The following SHANK2 variants were observed in gnomAD, a reference collection of about 807,000 sequenced individuals.
SHANK2 encodes SH3 and multiple ankyrin repeat domains protein 2.
Under a neutral mutation model 133.7 loss-of-function variants are expected in SHANK2, and 43 were observed. The ratio of observed to expected loss-of-function variants is 0.32; its 90% CI spans 0.25 to 0.41. SHANK2 has a LOEUF of 0.41. Ranked by LOEUF, SHANK2 falls within the 10% of genes least tolerant of loss-of-function variation. The probability of loss-of-function intolerance (pLI) is 1.00; values close to 1 mark genes in which losing one functional copy is unlikely to be tolerated. For synonymous variants in SHANK2, 1,017 were observed against 952.8 expected (o/e 1.07, Z -1.24); for missense variants, 1,994 against 2,235.8 (o/e 0.89, Z 2.18).
chr11:70,658,726 G>C (rs1339312585), intron 17 of SHANK2, among the ~76,000 whole-genome samples: 1 of 152,192 alleles, frequency 6.6e-6, no homozygotes, highest in Non-Finnish European at 1.5e-5. Context: ...GGGAGCTTAG[G>C]CCTGATTGGG....
intron 15 of SHANK2, among the ~76,000 whole-genome samples, chr11:70,667,005 C>T (rs940031440): frequency 3.9e-5 from 6 of 152,034 alleles, no homozygotes; most frequent in African/African-American, 1.4e-4. Flanking sequence ...AGGGGGTGGG[C>T]AACCAGCCCC....
Position 70,487,420 on chromosome 11 carries a change from C to A in SHANK2, c.2873G>T (p.Arg958Leu). 6.2e-7 allele frequency: 1 copy of A among 1,614,106 alleles called. No homozygotes were observed. Among genetic ancestry groups the A allele is most frequent in the Non-Finnish European group, 8.5e-7 (1 of 1,180,026 alleles). ...GAGGTCTTCAGAGTCCAAGGAGTAGCGGTCCAGCTCTCTCCTGAAGTACAT... is the reference window on the plus strand; with the variant it reads ...GAGGTCTTCAGAGTCCAAGGAGTAGAGGTCCAGCTCTCTCCTGAAGTACAT... ...KGMYFRRELD[R>L]YSLDSEDLYS... is the part of the protein sequence containing the mutation. Residue 958 changes from arginine (R) to leucine (L), a missense_variant, in exon 25 of 26, where the codon CGC (arginine) becomes CTC (leucine). Coordinates refer to ENST00000601538, the MANE Select transcript of SHANK2 (RefSeq NM_012309.5). This position sits in a 1 kb window ranked among gnomAD's most constrained non-coding sequence, Gnocchi z 5.8.
At chr11:71,152,171 G>C (rs1555108213) in intron 2 of SHANK2, among the ~76,000 whole-genome samples, 1 of 152,160 alleles carries the variant, frequency 6.6e-6, no homozygotes, top group Non-Finnish European at 1.5e-5. Context: ...AGAGTGCAGG[G>C]GTGCAATCTC....
chr11:70,853,946 T>C (rs1366338339), intron 11 of SHANK2, among the ~76,000 whole-genome samples: 1 of 152,132 alleles, frequency 6.6e-6, no homozygotes, highest in Non-Finnish European at 1.5e-5. Context: ...GTCATACTAA[T>C]ACAGCATGAC....
chr11:70,954,090 C>T (rs1555087221), intron 10 of SHANK2, among the ~76,000 whole-genome samples: 1 of 152,248 alleles, frequency 6.6e-6, no homozygotes. Flanking sequence ...CTGCCCATGG[C>T]ACTCATCGGG....
chr11:71,178,661 A>AAATAC (rs1953491316), intron 2 of SHANK2, among the ~76,000 whole-genome samples: 1 of 150,616 alleles, frequency 6.6e-6, no homozygotes, highest in Non-Finnish European at 1.5e-5. Context: ...AATACAAATA[A>AAATAC]AAAGTAACTG....
At chr11:70,892,720 T>A (rs1949867792) in intron 11 of SHANK2, among the ~76,000 whole-genome samples, 1 of 152,164 alleles carries the variant, frequency 6.6e-6, no homozygotes, top group African/African-American at 2.4e-5. Flanking sequence ...CCCAGGTATG[T>A]GCACTGCTTA....
intron 11 of SHANK2, among the ~76,000 whole-genome samples, chr11:70,860,046 C>T (rs1275516274): frequency 6.6e-6 from 1 of 152,200 alleles, no homozygotes; most frequent in Admixed American, 6.5e-5. Flanking sequence ...ATCTCCCTCC[C>T]TGCGGAGCAA....
chr11:71,081,301 A>G (rs980027322), intron 8 of SHANK2, among the ~76,000 whole-genome samples: 46 of 152,344 alleles, frequency 3.0e-4, no homozygotes, highest in African/African-American at 1.1e-3. Flanking sequence ...GGAACTTTGC[A>G]GTGGCAGCCC....
intron 12 of SHANK2, among the ~76,000 whole-genome samples, chr11:70,815,756 G>A (rs1948380104): frequency 6.6e-6 from 1 of 152,172 alleles, no homozygotes; most frequent in Non-Finnish European, 1.5e-5. Flanking sequence ...AGGCCTCCCT[G>A]AACCCCATCA....
intron 11 of SHANK2, among the ~76,000 whole-genome samples, chr11:70,876,703 T>C (rs1949571773): frequency 6.6e-6 from 1 of 152,190 alleles, no homozygotes; most frequent in African/African-American, 2.4e-5. Context: ...CCATGTGGGC[T>C]GCAGCAGGTG....
chr11:71,088,567 C>G lies in SHANK2; in HGVS notation c.912+3855G>C, dbSNP rs993539790. Among the ~76,000 whole-genome samples, 556 of 151,942 alleles carry G rather than the reference C, an allele frequency of 3.7e-3. 3 individuals carry two copies. Among genetic ancestry groups the G allele is most frequent in the African/African-American group, 0.013 (540 of 41,408 alleles). On this transcript the variant is annotated intron_variant, in intron 8 of 25. Coordinates refer to ENST00000601538, the MANE Select transcript of SHANK2 (RefSeq NM_012309.5). ...CAACTCAGCCTTGTCCCCTGGGGGC[C>G]GGCAGCTGTTCGGTGGAGACCCTGT...
At chr11:70,775,970 T>C (rs1186557806) in intron 14 of SHANK2, among the ~76,000 whole-genome samples, 1 of 152,238 alleles carries the variant, frequency 6.6e-6, no homozygotes, top group Non-Finnish European at 1.5e-5. Context: ...AGCCATGGCA[T>C]GCTCTGGAGG....
At chr11:70,914,485 AAC>A (rs1225652636) in intron 10 of SHANK2, among the ~76,000 whole-genome samples, 2 of 151,652 alleles carry the variant, frequency 1.3e-5, no homozygotes, top group African/African-American at 4.9e-5. Context: ...GCCTTTCAAA[AAC>A]ACAACGCCCT....
At chr11:70,688,261 TG>T (rs1565242656) in intron 15 of SHANK2, among the ~76,000 whole-genome samples, 3 of 152,270 alleles carry the variant, frequency 2.0e-5, no homozygotes, top group African/African-American at 4.8e-5. Flanking sequence ...CCCATCCAAC[TG>T]CTTTCAGAGG....
rs143636287 is a variant in SHANK2 at position 70,902,239 on chromosome 11, C to A, written c.1108-5672G>T. 3.7e-4 allele frequency among the ~76,000 whole-genome samples: 56 copies of A among 152,358 alleles called. No individual in the cohort carries two copies. In the East Asian group the frequency reaches 9.8e-3, roughly 27 times the overall value. ...GCATTCTAAATCATCCTAATTCTCA[C>A]TTCCGTATCTGCTGGCTGGGAAGGA... is the stretch of plus-strand genomic sequence containing the variant. On this transcript the variant is annotated intron_variant, in intron 10 of 25. Coordinates refer to ENST00000601538, the MANE Select transcript of SHANK2 (RefSeq NM_012309.5).
intron 10 of SHANK2, among the ~76,000 whole-genome samples, chr11:70,944,199 C>A (rs577682704): frequency 6.6e-6 from 1 of 152,236 alleles, no homozygotes; most frequent in Non-Finnish European, 1.5e-5. Context: ...AATTGCAGAG[C>A]GCAGGTCTAT....
chr11:70,534,828 C>T (rs951893408), intron 17 of SHANK2, among the ~76,000 whole-genome samples: 2 of 152,176 alleles, frequency 1.3e-5, no homozygotes, highest in South Asian at 2.1e-4. Flanking sequence ...TGGGGACTCA[C>T]GATCTGCATG....
intron 15 of SHANK2, among the ~76,000 whole-genome samples, chr11:70,690,488 G>GTTTTTTTTTTTTTTTTTTTT (rs35737323): frequency 3.4e-4 from 11 of 32,818 alleles, no homozygotes; most frequent in East Asian, 1.3e-3. Flanking sequence ...TACTTCCCAT[G>GTTTTTTTTTTTTTTTTTTTT]TTTTTTTTTT....
Sources: allele counts gnomAD v4.1 joint callset (sites outside exome capture counted in the v4.1 genomes callset), GRCh38; gene constraint gnomAD v4.1.1; non-coding constraint Gnocchi (gnomAD v3.1); transcripts MANE v1.5; gene names NCBI Gene and HGNC (gene_info 2026-07-23, HGNC 2026-07-21).